The following CDYL2 variants were observed in gnomAD, a reference collection of about 807,000 sequenced individuals.
CDYL2 encodes chromodomain Y-like protein 2.
Under a neutral mutation model 49.4 loss-of-function variants are expected in CDYL2, and 23 were observed. That is an observed-to-expected ratio of 0.47 (90% CI 0.34 to 0.66). The LOEUF (loss-of-function observed/expected upper bound fraction) is 0.66, where lower values mean the gene tolerates loss of function less well. Among genes scored for constraint, CDYL2 ranks in the 30% least tolerant of loss-of-function variants. The probability of loss-of-function intolerance (pLI) is 0.01; values close to 1 mark genes in which losing one functional copy is unlikely to be tolerated. For missense variants in CDYL2, 678 were observed against 656.4 expected, an observed-to-expected ratio of 1.03 and a Z score of -0.36; for synonymous variants, 360 against 268.8, an observed-to-expected ratio of 1.34 and a Z score of -3.32.
intron 2 of CDYL2, among the ~76,000 whole-genome samples, chr16:80,636,429 A>C (rs28882120): frequency 0.059 from 9,001 of 152,136 alleles, 813 homozygotes; most frequent in African/African-American, 0.2. Flanking sequence ...CAAGAAATGT[A>C]TGCAGCCAAC....
chr16:80,802,073 T>C (rs563763525), intron 1 of CDYL2, among the ~76,000 whole-genome samples: 57 of 152,332 alleles, frequency 3.7e-4, no homozygotes, highest in African/African-American at 1.2e-3. Context: ...CTTGAGATAC[T>C]AAGATAGTTC....
intron 3 of CDYL2, among the ~76,000 whole-genome samples, chr16:80,629,126 C>G (rs1055976242): frequency 2.6e-5 from 4 of 152,170 alleles, no homozygotes; most frequent in African/African-American, 4.8e-5. Flanking sequence ...TTCTGACTGT[C>G]AGCCAGGGTA....
chr16:80,729,010 A>C (rs1905247681), intron 1 of CDYL2, among the ~76,000 whole-genome samples: 1 of 152,094 alleles, frequency 6.6e-6, no homozygotes, highest in African/African-American at 2.4e-5. Flanking sequence ...CCAAAATGTA[A>C]AGACCATCGA....
intron 1 of CDYL2, among the ~76,000 whole-genome samples, chr16:80,751,346 G>T (rs1906131030): frequency 6.6e-6 from 1 of 152,200 alleles, no homozygotes; most frequent in Non-Finnish European, 1.5e-5. Flanking sequence ...GGACTTCATG[G>T]AGGTAACCTG....
chr16:80,608,167 C>A lies in CDYL2; in HGVS notation c.1287G>T (p.Ser429=), dbSNP rs777352705. 6.2e-7 allele frequency: 1 copy of A among 1,604,342 alleles called. No individual in the cohort carries two copies. The highest frequency in any genetic ancestry group is 8.5e-7 in the Non-Finnish European group (1 of 1,175,634). ...TGAACGTGGTGGGCCAGAAGACCTGCGACACCAGCCCCCTGCTGCAGGCCT... is the reference window on the plus strand; with the variant it reads ...TGAACGTGGTGGGCCAGAAGACCTGAGACACCAGCCCCCTGCTGCAGGCCT... ...AQEACSRGLV[S]QVFWPTTFSQ... The change falls in exon 6 of 7, where the codon TCG becomes TCT. Residue 429 remains serine (S), a synonymous_variant. Coordinates refer to ENST00000570137, the MANE Select transcript of CDYL2 (RefSeq NM_152342.4).
At chr16:80,745,233 AC>A (rs1222531931) in intron 1 of CDYL2, among the ~76,000 whole-genome samples, 11 of 152,066 alleles carry the variant, frequency 7.2e-5, no homozygotes, top group African/African-American at 2.7e-4. Context: ...TTTAACTGAG[AC>A]CTTCTAACTC....
chr16:80,797,101 A>G (rs1036720187), intron 1 of CDYL2, among the ~76,000 whole-genome samples: 1 of 152,038 alleles, frequency 6.6e-6, no homozygotes, highest in Non-Finnish European at 1.5e-5. Flanking sequence ...ACCCCTCCTC[A>G]TGTTTACACA....
chr16:80,692,381 C>T (rs1910451585), intron 1 of CDYL2, among the ~76,000 whole-genome samples: 1 of 152,118 alleles, frequency 6.6e-6, no homozygotes, highest in Non-Finnish European at 1.5e-5. Flanking sequence ...GAATTCTATT[C>T]TATAGCCCAA....
intron 2 of CDYL2, among the ~76,000 whole-genome samples, chr16:80,639,060 A>G (rs544460464): frequency 2.0e-5 from 3 of 152,360 alleles, no homozygotes; most frequent in African/African-American, 7.2e-5. Flanking sequence ...AGACACCTCA[A>G]CAAAGAAGTT....
chr16:80,778,525 A>G (rs1230314975), intron 1 of CDYL2, among the ~76,000 whole-genome samples: 1 of 152,060 alleles, frequency 6.6e-6, no homozygotes, highest in Non-Finnish European at 1.5e-5. Context: ...CTGTCTAACA[A>G]ACTTAGGATC....
At chr16:80,730,888 T>C (rs1009901768) in intron 1 of CDYL2, among the ~76,000 whole-genome samples, 12 of 152,104 alleles carry the variant, frequency 7.9e-5, no homozygotes, top group Non-Finnish European at 1.6e-4. Flanking sequence ...TTATATAAAA[T>C]TGTGAAAATG....
chr16:80,730,461 T>C lies in CDYL2; in HGVS notation c.25-45332A>G, dbSNP rs201167435. On this transcript the variant is annotated intron_variant, in intron 1 of 6. Transcript: ENST00000570137. ...GAGCTGAAATTGTGGCAATAATCAATAGCTTGCCAACCAAAAAGAGTCCAG... is the reference window on the plus strand; with the variant it reads ...GAGCTGAAATTGTGGCAATAATCAACAGCTTGCCAACCAAAAAGAGTCCAG... Among the ~76,000 whole-genome samples the C allele has an allele frequency of 3.0e-3, 453 of 152,192 alleles. 11 individuals are homozygous for C. In the East Asian group the frequency reaches 0.072, roughly 24 times the overall value.
chr16:80,632,332 G>A (rs926317234), intron 3 of CDYL2, among the ~76,000 whole-genome samples: 17 of 152,170 alleles, frequency 1.1e-4, no homozygotes, highest in East Asian at 1.9e-4. Flanking sequence ...CAAACTGCAC[G>A]TTTCCATTGA....
chr16:80,647,742 G>C (rs1033890717), intron 2 of CDYL2, among the ~76,000 whole-genome samples: 1 of 152,092 alleles, frequency 6.6e-6, no homozygotes, highest in Admixed American at 6.6e-5. Flanking sequence ...CTCTTCTGTA[G>C]CACATGGATC....
chr16:80,727,860 G>A (rs1168584617), intron 1 of CDYL2, among the ~76,000 whole-genome samples: 2 of 152,086 alleles, frequency 1.3e-5, no homozygotes, highest in African/African-American at 2.4e-5. Context: ...ACACGGCCAG[G>A]TACTCCAACA....
chr16:80,771,089 C>T (rs1906889529), intron 1 of CDYL2, among the ~76,000 whole-genome samples: 1 of 152,116 alleles, frequency 6.6e-6, no homozygotes, highest in Admixed American at 6.5e-5. Flanking sequence ...ATCTGAACTC[C>T]CCAGAAAAGA....
At chr16:80,665,322 G>A (rs1168117795) in intron 2 of CDYL2, among the ~76,000 whole-genome samples, 1 of 151,920 alleles carries the variant, frequency 6.6e-6, no homozygotes, top group East Asian at 1.9e-4. Flanking sequence ...CCTGCTCACA[G>A]TTCACTGGAA....
chr16:80,695,817 A>G (rs781399922), intron 1 of CDYL2, among the ~76,000 whole-genome samples: 17 of 152,204 alleles, frequency 1.1e-4, no homozygotes, highest in Non-Finnish European at 2.5e-4. Context: ...GAGACCTTCA[A>G]CACACCACTC....
At chr16:80,719,963 G>C (rs879814560) in intron 1 of CDYL2, among the ~76,000 whole-genome samples, 21 of 152,082 alleles carry the variant, frequency 1.4e-4, no homozygotes, top group Non-Finnish European at 2.6e-4. Context: ...ATCTGGGAAG[G>C]GATTCAAATC....
Sources: gnomAD v4.1 joint callset for allele counts (sites outside exome capture counted in the v4.1 genomes callset) on GRCh38, gnomAD v4.1.1 for gene constraint, MANE v1.5 for transcripts, NCBI Gene and HGNC (gene_info 2026-07-23, HGNC 2026-07-21) for gene names.